The following RMND1 variants were observed in gnomAD, a reference collection of about 807,000 sequenced individuals.
The protein encoded by RMND1 is required for meiotic nuclear division protein 1 homolog.
RMND1 carries 41 observed loss-of-function variants against 54.0 expected under a neutral mutation model. That is an observed-to-expected ratio of 0.76 (90% CI 0.59 to 0.98). RMND1 has a LOEUF of 0.98. Ranked by LOEUF, RMND1 falls within the 50% of genes least tolerant of loss-of-function variation. The pLI is 0.00. For missense variants in RMND1, 457 were observed against 532.0 expected, an observed-to-expected ratio of 0.86 and a Z score of 1.39; for synonymous variants, 183 against 181.7, an observed-to-expected ratio of 1.01 and a Z score of -0.06.
intron 1 of RMND1, among the ~76,000 whole-genome samples, chr6:151,449,950 G>C (rs1781085704): frequency 6.6e-6 from 1 of 152,214 alleles, no homozygotes. Context: ...TTCACTCAGT[G>C]CTCAATGGTG....
In RMND1 at chr6:151,417,397, T is replaced by A; in HGVS notation, c.1082A>T (p.His361Leu). 6.3e-7 allele frequency: 1 copy of A among 1,578,856 alleles called. No homozygotes were observed. The highest frequency in any genetic ancestry group is 8.6e-7 in the Non-Finnish European group (1 of 1,165,960). ...QKIGELFALR[H>L]RINLSSDFLI... is the part of the protein sequence containing the mutation. ...GAAGTCTGAACTCAAGTTTATACGG[T>A]GCCTTTAAAAAGGAAAATTATAACT... Residue 361 changes from histidine to leucine, a missense_variant and splice_region_variant, in exon 10 of 12, where the codon CAC (histidine) becomes CTC (leucine). Transcript: ENST00000444024.
chr6:151,416,171 G>A (rs375074377), intron 10 of RMND1, among the ~76,000 whole-genome samples: 2 of 152,024 alleles, frequency 1.3e-5, no homozygotes, highest in East Asian at 2.0e-4. Flanking sequence ...TAGAGACAGC[G>A]TTTTACCATA....
intron 10 of RMND1, 38 bp from the exon 11 acceptor site, chr6:151,405,874 A>C (rs201343077): frequency 6.9e-5 from 73 of 1,053,040 alleles, no homozygotes; most frequent in Non-Finnish European, 1.1e-4. Flanking sequence ...TATTTAAACA[A>C]TTTAATACGG....
At chr6:151,414,755 T>C (rs987069824) in intron 10 of RMND1, among the ~76,000 whole-genome samples, 5 of 151,802 alleles carry the variant, frequency 3.3e-5, no homozygotes, top group African/African-American at 1.2e-4. Flanking sequence ...AGAGACAAAA[T>C]ATACTGGAAA....
intron 7 of RMND1, among the ~76,000 whole-genome samples, chr6:151,422,968 A>G (rs1346894558): frequency 6.6e-6 from 1 of 152,214 alleles, no homozygotes; most frequent in Non-Finnish European, 1.5e-5. Flanking sequence ...CCTCAGGACT[A>G]AGAGTAAACC....
rs78802987 is a variant in RMND1, at chr6:151,406,359, T to G, written c.1201-523A>C. On this transcript the variant is annotated intron_variant, in intron 10 of 11. Transcript: ENST00000444024. ...AAATTTGGATGTGACAACTTTTTTT[T>G]TTGTTGTTGTTGTTGTTTTTTGGGA... Among the ~76,000 whole-genome samples, 894 of 114,392 alleles carry G rather than the reference T, an allele frequency of 7.8e-3. 7 individuals are homozygous for G. The highest frequency in any genetic ancestry group is 0.017 in the East Asian group (44 of 2,572). 75.0% of individuals were successfully genotyped at this position (114,392 alleles called of 152,430 possible).
intron 1 of RMND1, among the ~76,000 whole-genome samples, chr6:151,449,169 C>A (rs959026965): frequency 3.3e-5 from 5 of 150,638 alleles, no homozygotes; most frequent in East Asian, 3.9e-4. Flanking sequence ...ATGTTCGAGG[C>A]CAGCCTGGCC....
chr6:151,446,999 A>C lies in RMND1; in HGVS notation c.-14-1174T>G, dbSNP rs143285251. On this transcript the variant is annotated intron_variant, in intron 1 of 11. Coordinates refer to ENST00000444024, the MANE Select transcript of RMND1 (RefSeq NM_017909.4). ...AGATGAATCAATGATCTCAGAATTC[A>C]AAGTCTAGCAGAGGAAAATGAACGA... Among the ~76,000 whole-genome samples the C allele has an allele frequency of 5.4e-3, 821 of 152,352 alleles. 1 individual carries two copies. The highest frequency in any genetic ancestry group is 7.9e-3 in the Non-Finnish European group (538 of 68,030).
intron 2 of RMND1, 167 bp downstream of exon 2, chr6:151,445,141 A>G: frequency 1.6e-6 from 1 of 609,184 alleles, no homozygotes; most frequent in South Asian, 3.2e-5. Context: ...TTAAAAATTA[A>G]GATTCTGAAT....
intron 10 of RMND1, 126 bp from the exon 11 acceptor site, chr6:151,405,962 A>G (rs1453447274): frequency 4.0e-6 from 2 of 505,082 alleles, no homozygotes; most frequent in African/African-American, 3.9e-5. Flanking sequence ...AGCCACCAAC[A>G]TTATCAGTTT....
chr6:151,449,238 G>A (rs944110736), intron 1 of RMND1, among the ~76,000 whole-genome samples: 1 of 151,578 alleles, frequency 6.6e-6, no homozygotes, highest in East Asian at 1.9e-4. Flanking sequence ...GCGTGGCGGC[G>A]GGTGCCTGTA....
At chr6:151,430,747 C>G (rs1459627452) in intron 4 of RMND1, among the ~76,000 whole-genome samples, 8 of 152,176 alleles carry the variant, frequency 5.3e-5, no homozygotes, top group Non-Finnish European at 1.5e-5. Flanking sequence ...GGGTCTAAAA[C>G]TACGAATGCA....
intron 10 of RMND1, among the ~76,000 whole-genome samples, chr6:151,408,449 G>A (rs1779705324): frequency 2.0e-5 from 3 of 152,086 alleles, no homozygotes; most frequent in Middle Eastern, 3.2e-3. Flanking sequence ...CCAAGACCAC[G>A]GCATTGAACT....
chr6:151,414,909 A>G (rs1779955772), intron 10 of RMND1, among the ~76,000 whole-genome samples: 1 of 152,214 alleles, frequency 6.6e-6, no homozygotes, highest in Non-Finnish European at 1.5e-5. Flanking sequence ...GAAAGAAAGA[A>G]AACTGTCTAC....
In RMND1 at chr6:151,405,223, G is replaced by C; in HGVS notation, c.*12C>G. 1 of 1,607,374 alleles carries C rather than the reference G, an allele frequency of 6.2e-7. No individual in the cohort carries two copies. Among genetic ancestry groups the C allele is most frequent in the Non-Finnish European group, 8.5e-7 (1 of 1,174,098 alleles). On this transcript the variant is annotated 3_prime_UTR_variant, in exon 12 of 12. Transcript: ENST00000444024. The stretch of plus-strand genomic sequence containing the variant: ...GAATATCTCTTGCAGTGACACTTTG[G>C]TTATCACTTGATCAGAAAAATACTC...
intron 10 of RMND1, among the ~76,000 whole-genome samples, chr6:151,414,898 T>C (rs1347863834): frequency 6.6e-6 from 1 of 152,122 alleles, no homozygotes; most frequent in Non-Finnish European, 1.5e-5. Context: ...TTTCAGGTGC[T>C]GAAAGAAAGA....
intron 10 of RMND1, among the ~76,000 whole-genome samples, chr6:151,415,617 C>T (rs938233195): frequency 1.3e-5 from 2 of 151,574 alleles, no homozygotes; most frequent in African/African-American, 2.4e-5. Flanking sequence ...AGTGAAACCC[C>T]ATCTCTACTA....
chr6:151,445,913 T>C lies in RMND1; in HGVS notation c.-14-88A>G. 6 of 1,233,556 alleles carry C rather than the reference T, an allele frequency of 4.9e-6. No homozygotes were observed. In the South Asian group the frequency reaches 1.0e-4, roughly 21 times the overall value. 76.4% of individuals were successfully genotyped at this position (1,233,556 alleles called of 1,614,324 possible). On this transcript the variant is annotated intron_variant, in intron 1 of 11. Coordinates refer to ENST00000444024, the MANE Select transcript of RMND1 (RefSeq NM_017909.4). ...TCCCTAGGTAGCAGGCATATTTCTG[T>C]TAGAAAAATTTGTAAAACAGATACA...
rs1372231773 is a variant in RMND1, at chr6:151,445,470, C to T, written c.342G>A (p.Leu114=). 8 of 1,614,144 alleles carry T rather than the reference C, an allele frequency of 5.0e-6. No individual in the cohort carries two copies. Among genetic ancestry groups the T allele is most frequent in the African/African-American group, 2.7e-5 (2 of 75,034 alleles). The change falls in exon 2 of 12, where the codon TTG becomes TTA. Residue 114 remains leucine (L), a synonymous_variant. Coordinates refer to ENST00000444024, the MANE Select transcript of RMND1 (RefSeq NM_017909.4). ...ATATTTTTATAAACCATTTAGAACC[C>T]AACAGATTTGGTTTGTGGGTCACTC... ...HRRVTHKPNL[L]GSKWFIKILK...
Sources: allele counts gnomAD v4.1 joint callset (sites outside exome capture counted in the v4.1 genomes callset), GRCh38; gene constraint gnomAD v4.1.1; transcripts MANE v1.5; gene names NCBI Gene and HGNC (gene_info 2026-07-23, HGNC 2026-07-21).